ST7: variants seen among roughly 807,000 people sequenced by gnomAD.
ST7 encodes suppression of tumorigenicity 7.
Under a neutral mutation model 78.7 loss-of-function variants are expected in ST7, and 28 were observed. That is an observed-to-expected ratio of 0.36 (90% CI 0.26 to 0.49). The LOEUF is 0.49. Among genes scored for constraint, ST7 ranks in the 20% least tolerant of loss-of-function variants. ST7 has a pLI of 0.99. For synonymous variants in ST7, 247 were observed against 249.6 expected (o/e 0.99, Z 0.10); for missense variants, 418 against 696.0 (o/e 0.60, Z 4.49).
chr7:116,970,922 A>G, intron 1 of ST7, among the ~76,000 whole-genome samples: 1 of 152,162 alleles, frequency 6.6e-6, no homozygotes, highest in East Asian at 1.9e-4. Flanking sequence ...CTTTATTTCA[A>G]AAAGACATTT....
chr7:117,059,808 A>C (rs573337284), intron 1 of ST7, among the ~76,000 whole-genome samples: 1,730 of 98,976 alleles, frequency 0.017, 7 homozygotes, highest in Non-Finnish European at 0.022. Flanking sequence ...TCATCTCTGC[A>C]AAAAAAAAAA....
At chr7:117,123,028 T>C (rs1168007052) in intron 3 of ST7, among the ~76,000 whole-genome samples, 1 of 152,196 alleles carries the variant, frequency 6.6e-6, no homozygotes, top group Admixed American at 6.6e-5. Flanking sequence ...AAATGACTAT[T>C]GCCTTAATAA....
At chr7:116,997,400 T>G (rs1401338110) in intron 1 of ST7, among the ~76,000 whole-genome samples, 1 of 152,160 alleles carries the variant, frequency 6.6e-6, no homozygotes, top group Non-Finnish European at 1.5e-5. Context: ...ATTGGTCTGT[T>G]TTGACAGGTT....
At chr7:117,120,429 C>T (rs1330438964) in intron 3 of ST7, among the ~76,000 whole-genome samples, 4 of 152,232 alleles carry the variant, frequency 2.6e-5, no homozygotes, top group African/African-American at 9.6e-5. Flanking sequence ...GGTTCCCATT[C>T]CACTGAAGAT....
At chr7:117,210,076 G>A in intron 13 of ST7, 139 bp downstream of exon 13, 2 of 1,000,992 alleles carry the variant, frequency 2.0e-6, no homozygotes, top group Non-Finnish European at 2.8e-6. Flanking sequence ...AAGCCAGTTA[G>A]TGACTTAGGT....
At chr7:117,135,776 T>C (rs1804739660) in intron 7 of ST7, among the ~76,000 whole-genome samples, 1 of 152,118 alleles carries the variant, frequency 6.6e-6, no homozygotes, top group Non-Finnish European at 1.5e-5. Context: ...TGAACAAAGA[T>C]TCCATGTTGT....
chr7:117,129,549 T>C (rs1804160303), intron 3 of ST7, among the ~76,000 whole-genome samples: 1 of 152,026 alleles, frequency 6.6e-6, no homozygotes, highest in Non-Finnish European at 1.5e-5. Flanking sequence ...GATTTTGGCA[T>C]GCATCTTGAT....
intron 12 of ST7, among the ~76,000 whole-genome samples, chr7:117,194,910 G>A (rs979799317): frequency 6.6e-6 from 1 of 152,178 alleles, no homozygotes; most frequent in Non-Finnish European, 1.5e-5. Context: ...CAGCCACACT[G>A]CAAGCCTTTC....
At position 117,184,803 on chromosome 7, in the gene ST7, T is replaced by C. The variant is rs75109100; in HGVS notation, c.1079-4518T>C. Among the ~76,000 whole-genome samples, 890 of 152,316 alleles carry C rather than the reference T, an allele frequency of 5.8e-3. 3 individuals are homozygous for C. The highest frequency in any genetic ancestry group is 9.5e-3 in the Non-Finnish European group (643 of 68,034). Reference sequence around the variant, plus strand: ...TGAACAAGGTCTGTAGTGTACCTAATAGTACTCTAGCAATGTCAATTTCTT... The same window carrying C: ...TGAACAAGGTCTGTAGTGTACCTAACAGTACTCTAGCAATGTCAATTTCTT... On this transcript the variant is annotated intron_variant, in intron 10 of 15. Coordinates refer to ENST00000323984, the MANE Select transcript of ST7 (RefSeq NM_001369598.1).
chr7:117,116,729 T>A (rs549650032), intron 2 of ST7, among the ~76,000 whole-genome samples: 46 of 152,298 alleles, frequency 3.0e-4, no homozygotes, highest in African/African-American at 9.9e-4. Flanking sequence ...ATGACAGACC[T>A]GAGAAGGCCC....
intron 1 of ST7, among the ~76,000 whole-genome samples, chr7:117,046,175 C>T (rs1237505786): frequency 1.3e-5 from 2 of 151,862 alleles, no homozygotes; most frequent in Non-Finnish European, 2.9e-5. Flanking sequence ...TTTTTTTTGA[C>T]TGTGTCATGC....
chr7:117,177,815 C>T (rs200476019), intron 10 of ST7, among the ~76,000 whole-genome samples: 1 of 152,146 alleles, frequency 6.6e-6, no homozygotes, highest in East Asian at 1.9e-4. Context: ...AGACCTCATA[C>T]TGCCTGGGAT....
At chr7:117,142,959 T>A (rs1805450048) in intron 9 of ST7, among the ~76,000 whole-genome samples, 1 of 152,068 alleles carries the variant, frequency 6.6e-6, no homozygotes, top group South Asian at 2.1e-4. Context: ...GGGCTTCCCT[T>A]AGTGTGGGTG....
At chr7:116,972,049 G>T in intron 1 of ST7, 1 of 472,132 alleles carries the variant, frequency 2.1e-6, no homozygotes. Context: ...GGCAAAAGCG[G>T]AAAGCAGCCT....
chr7:116,960,149 G>A (rs939258785), intron 1 of ST7, among the ~76,000 whole-genome samples: 1 of 151,400 alleles, frequency 6.6e-6, no homozygotes, highest in African/African-American at 2.4e-5. Flanking sequence ...TCTTTTTCTA[G>A]ATCACCACCC....
At chr7:117,226,301 C>A (rs1793442247) in intron 15 of ST7, among the ~76,000 whole-genome samples, 1 of 152,136 alleles carries the variant, frequency 6.6e-6, no homozygotes, top group Non-Finnish European at 1.5e-5. Flanking sequence ...TTTACTAGTT[C>A]AGTTGCTTTT....
Position 117,130,516 on chromosome 7 carries a change from C to A in ST7, c.475C>A (p.Pro159Thr). The change falls in exon 5 of 16, where the codon CCT becomes ACT. Residue 159 changes from proline (P) to threonine (T), a missense_variant. Coordinates refer to ENST00000323984, the MANE Select transcript of ST7 (RefSeq NM_001369598.1). ...NRYTWVTGREPLTYYDMNLSA... is the reference protein window; with the variant it reads ...NRYTWVTGRETLTYYDMNLSA... ...GTATACTTGGGTGACAGGACGAGAGCCTCTTACTTACTATGACATGAATCT... is the reference window on the plus strand; with the variant it reads ...GTATACTTGGGTGACAGGACGAGAGACTCTTACTTACTATGACATGAATCT... 1.2e-6 allele frequency: 2 copies of A among 1,611,266 alleles called. No homozygotes were observed. Among genetic ancestry groups the A allele is most frequent in the Non-Finnish European group, 1.7e-6 (2 of 1,178,228 alleles).
At chr7:117,079,965 TTCC>T (rs909957180) in intron 1 of ST7, among the ~76,000 whole-genome samples, 1 of 143,666 alleles carries the variant, frequency 7.0e-6, no homozygotes, top group Non-Finnish European at 1.5e-5. Flanking sequence ...ATGTTTGTCA[TTCC>T]TTTTTTTTTT....
At chr7:117,229,381 T>G (rs1458845369) in intron 15 of ST7, among the ~76,000 whole-genome samples, 1 of 152,212 alleles carries the variant, frequency 6.6e-6, no homozygotes, top group Non-Finnish European at 1.5e-5. Flanking sequence ...GAGCAGCTGG[T>G]CTAAGTTGTC....
Sources: gnomAD v4.1 joint callset for allele counts (sites outside exome capture counted in the v4.1 genomes callset) on GRCh38, gnomAD v4.1.1 for gene constraint, MANE v1.5 for transcripts, NCBI Gene and HGNC (gene_info 2026-07-23, HGNC 2026-07-21) for gene names.